The following CSMD1 variants were observed in gnomAD, a reference collection of about 807,000 sequenced individuals.
CSMD1 encodes the protein CUB and Sushi multiple domains 1.
A neutral mutation model predicts 417.5 loss-of-function variants in CSMD1; 213 were observed. The observed-to-expected ratio is 0.51, with a 90% confidence interval of 0.46 to 0.57. The LOEUF is 0.57. Ranked by LOEUF, CSMD1 falls within the 20% of genes least tolerant of loss-of-function variation. The pLI is 0.00. For synonymous variants in CSMD1, 2,862 were observed against 1,736.8 expected, an observed-to-expected ratio of 1.65 and a Z score of -16.11; for missense variants, 6,923 against 4,529.7, an observed-to-expected ratio of 1.53 and a Z score of -15.17.
chr8:3,977,996 T>A (rs191392976), intron 5 of CSMD1, among the ~76,000 whole-genome samples: 1 of 152,192 alleles, frequency 6.6e-6, no homozygotes, highest in East Asian at 1.9e-4. Context: ...CATGAGAGCA[T>A]CTCATAGCTC....
chr8:4,467,137 A>AAG (rs1262234831), intron 2 of CSMD1, among the ~76,000 whole-genome samples: 3 of 149,972 alleles, frequency 2.0e-5, no homozygotes, highest in African/African-American at 2.5e-5. Flanking sequence ...AAAAAAAAAA[A>AAG]AAAGAAAAAA....
At chr8:4,488,629 A>C (rs1005488196) in intron 2 of CSMD1, among the ~76,000 whole-genome samples, 4 of 151,986 alleles carry the variant, frequency 2.6e-5, no homozygotes, top group African/African-American at 9.7e-5. Context: ...CTATAGCAAA[A>C]TACTCCCTTA....
intron 3 of CSMD1, among the ~76,000 whole-genome samples, chr8:4,142,249 C>A (rs908976654): frequency 6.6e-6 from 1 of 151,156 alleles, no homozygotes; most frequent in Non-Finnish European, 1.5e-5. Flanking sequence ...TTTACTAATA[C>A]AACAGGGTTT....
intron 49 of CSMD1, among the ~76,000 whole-genome samples, chr8:3,071,698 A>C (rs371705889): frequency 2.6e-5 from 4 of 152,318 alleles, no homozygotes; most frequent in African/African-American, 9.6e-5. Flanking sequence ...TGAGCAAAAA[A>C]ACTACCATTC....
intron 3 of CSMD1, among the ~76,000 whole-genome samples, chr8:4,264,339 C>T (rs966682640): frequency 5.9e-5 from 9 of 152,106 alleles, no homozygotes; most frequent in Non-Finnish European, 4.4e-5. Context: ...GAAAAATACT[C>T]ATTCAGAATA....
At chr8:4,189,074 T>A (rs537095213) in intron 3 of CSMD1, among the ~76,000 whole-genome samples, 85 of 152,308 alleles carry the variant, frequency 5.6e-4, no homozygotes, top group African/African-American at 2.0e-3. Context: ...AAGTTAATTA[T>A]CTAGTAATGA....
chr8:4,019,380 G>A (rs932008066), intron 4 of CSMD1, among the ~76,000 whole-genome samples: 3 of 152,114 alleles, frequency 2.0e-5, no homozygotes, highest in African/African-American at 7.2e-5. Context: ...TCTCCGTGAA[G>A]CTGCAAGCAT....
intron 1 of CSMD1, among the ~76,000 whole-genome samples, chr8:4,784,042 T>C (rs1000714716): frequency 6.6e-6 from 1 of 152,214 alleles, no homozygotes; most frequent in Admixed American, 6.5e-5. Context: ...TATTTGATAA[T>C]TTGTAAACTT....
At chr8:3,838,451 A>T (rs1802850337) in intron 5 of CSMD1, among the ~76,000 whole-genome samples, 1 of 149,008 alleles carries the variant, frequency 6.7e-6, no homozygotes, top group African/African-American at 2.5e-5. Flanking sequence ...TATAGACTAT[A>T]CATATATAGG....
At chr8:4,083,790 T>G (rs1800273079) in intron 3 of CSMD1, among the ~76,000 whole-genome samples, 1 of 152,120 alleles carries the variant, frequency 6.6e-6, no homozygotes, top group African/African-American at 2.4e-5. Flanking sequence ...GGCAAGGACT[T>G]CATGTCTATA....
intron 10 of CSMD1, among the ~76,000 whole-genome samples, chr8:3,553,445 A>G (rs188889271): frequency 1.8e-4 from 27 of 152,330 alleles, no homozygotes; most frequent in Admixed American, 5.2e-4. Flanking sequence ...TCAGTTCCTC[A>G]GTTTCTTCCC....
At chr8:4,796,632 A>T (rs1374853131) in intron 1 of CSMD1, among the ~76,000 whole-genome samples, 2 of 152,094 alleles carry the variant, frequency 1.3e-5, no homozygotes, top group African/African-American at 4.8e-5. Context: ...CAGGTGGCAT[A>T]CCCATGGGGA....
At chr8:4,931,712 T>C (rs898119600) in intron 1 of CSMD1, among the ~76,000 whole-genome samples, 2 of 152,220 alleles carry the variant, frequency 1.3e-5, no homozygotes, top group Non-Finnish European at 2.9e-5. Flanking sequence ...GATTGAATTA[T>C]TGAGCTGTTC....
chr8:3,648,098 G>A (rs555663683), intron 7 of CSMD1, among the ~76,000 whole-genome samples: 1 of 152,326 alleles, frequency 6.6e-6, no homozygotes, highest in Non-Finnish European at 1.5e-5. Flanking sequence ...GCTGCAGGAA[G>A]GAGGTGTCTC....
At chr8:3,161,623 A>AT (rs1819898518) in intron 38 of CSMD1, among the ~76,000 whole-genome samples, 1 of 136,180 alleles carries the variant, frequency 7.3e-6, no homozygotes, top group African/African-American at 2.8e-5. Flanking sequence ...ACTCCCTCTC[A>AT]GAAAAAAAAA....
At chr8:4,267,480 A>T (rs544169830) in intron 3 of CSMD1, among the ~76,000 whole-genome samples, 1 of 151,524 alleles carries the variant, frequency 6.6e-6, no homozygotes, top group Non-Finnish European at 1.5e-5. Flanking sequence ...AATGAATATT[A>T]ATATTAAAGT....
At chr8:4,383,077 T>G (rs563399815) in intron 3 of CSMD1, among the ~76,000 whole-genome samples, 68 of 152,274 alleles carry the variant, frequency 4.5e-4, no homozygotes, top group African/African-American at 1.5e-3. Flanking sequence ...AGCTGCTCCA[T>G]GATTAAGCAA....
chr8:3,849,050 G>A (rs893441722), intron 5 of CSMD1, among the ~76,000 whole-genome samples: 1 of 152,008 alleles, frequency 6.6e-6, no homozygotes, highest in Non-Finnish European at 1.5e-5. Flanking sequence ...GTGGCATGCA[G>A]TTTTGGCCCT....
rs1395381583 is a variant in CSMD1, at chr8:3,242,730, G to GAA, written c.4154-12501_4154-12500dup. ...CCATAGTGAAGGAAGCAAGCCCAGA[G>GAA]AAAAGAGAGAGTAGAGACATGGAGG... On this transcript the variant is annotated intron_variant, in intron 26 of 69. Transcript: ENST00000635120. Among the ~76,000 whole-genome samples the GAA allele has an allele frequency of 7.3e-5, 11 of 151,604 alleles. No homozygotes were observed. The East Asian group carries it at 2.2e-3, about 30-fold the overall frequency.
Sources: gnomAD v4.1 joint callset for allele counts (sites outside exome capture counted in the v4.1 genomes callset) on GRCh38, gnomAD v4.1.1 for gene constraint, MANE v1.5 for transcripts, NCBI Gene and HGNC (gene_info 2026-07-23, HGNC 2026-07-21) for gene names.